The following ADAMTSL3 variants were observed in gnomAD, a reference collection of about 807,000 sequenced individuals.
The protein encoded by ADAMTSL3 is ADAMTS-like protein 3.
ADAMTSL3 carries 128 observed loss-of-function variants against 201.7 expected under a neutral mutation model. That is an observed-to-expected ratio of 0.63 (90% CI 0.55 to 0.73). The LOEUF is 0.73. Among genes scored for constraint, ADAMTSL3 ranks in the 30% least tolerant of loss-of-function variants. The probability of loss-of-function intolerance (pLI) is 0.00; values close to 1 mark genes in which losing one functional copy is unlikely to be tolerated. For synonymous variants in ADAMTSL3, 738 were observed against 748.4 expected (o/e 0.99, Z 0.23); for missense variants, 1,990 against 2,119.6 (o/e 0.94, Z 1.20).
chr15:83,866,805 A>C (rs2064989354), intron 8 of ADAMTSL3, among the ~76,000 whole-genome samples: 1 of 152,196 alleles, frequency 6.6e-6, no homozygotes, highest in Non-Finnish European at 1.5e-5. Flanking sequence ...GCAAAAATTC[A>C]TTTATGTGTA....
At chr15:83,950,332 C>T (rs1373057537) in intron 19 of ADAMTSL3, among the ~76,000 whole-genome samples, 2 of 151,858 alleles carry the variant, frequency 1.3e-5, no homozygotes, top group African/African-American at 4.8e-5. Flanking sequence ...ATGGATTTAT[C>T]TCTGGGATCT....
intron 2 of ADAMTSL3, among the ~76,000 whole-genome samples, chr15:83,668,124 A>G (rs1445404548): frequency 6.6e-6 from 1 of 152,100 alleles, no homozygotes; most frequent in African/African-American, 2.4e-5. Context: ...GGAATAAGCA[A>G]TTGGGAACAT....
At chr15:83,824,789 G>T (rs948753536) in intron 6 of ADAMTSL3, 24 of 151,894 alleles carry the variant, frequency 1.6e-4, no homozygotes, top group African/African-American at 5.8e-4. Context: ...ATACATTTAA[G>T]TTTCCTCAGT....
intron 2 of ADAMTSL3, among the ~76,000 whole-genome samples, chr15:83,672,083 A>T (rs905910123): frequency 6.6e-6 from 1 of 152,198 alleles, no homozygotes; most frequent in African/African-American, 2.4e-5. Flanking sequence ...CACTAATAAA[A>T]TGTTAACTCC....
intron 8 of ADAMTSL3, among the ~76,000 whole-genome samples, chr15:83,864,278 C>T (rs1207925093): frequency 1.3e-5 from 2 of 152,160 alleles, no homozygotes; most frequent in Admixed American, 6.5e-5. Flanking sequence ...CCAGCATCAT[C>T]CTGATACCAA....
At chr15:83,748,676 C>CAAA (rs2062590319) in intron 3 of ADAMTSL3, among the ~76,000 whole-genome samples, 1 of 141,530 alleles carries the variant, frequency 7.1e-6, no homozygotes, top group Non-Finnish European at 1.5e-5. Context: ...AAAAAAATAC[C>CAAA]ACACACACAA....
chr15:84,023,861 A>C (rs539608382), intron 26 of ADAMTSL3, among the ~76,000 whole-genome samples: 10 of 152,344 alleles, frequency 6.6e-5, no homozygotes, highest in South Asian at 6.2e-4. Context: ...AAGCCTGTGG[A>C]TACCGTCTCA....
At chr15:83,871,235 G>T (rs2065075699) in intron 9 of ADAMTSL3, among the ~76,000 whole-genome samples, 1 of 152,166 alleles carries the variant, frequency 6.6e-6, no homozygotes, top group Admixed American at 6.5e-5. Context: ...CAGTTTGTTT[G>T]TTGGTTTAAG....
In ADAMTSL3 at chr15:83,904,869, T is replaced by C. The variant is rs144757184; in HGVS notation, c.1700+5138T>C. Among the ~76,000 whole-genome samples, 78 of 152,288 alleles carry C rather than the reference T, an allele frequency of 5.1e-4. No individual in the cohort carries two copies. In the East Asian group the frequency reaches 0.014, roughly 27 times the overall value. On this transcript the variant is annotated intron_variant, in intron 15 of 29. Transcript: ENST00000286744. ...CTTCACTGCTGACTTAAATTCTCCATTTGTGGAGATTATATTTGCTAATGT... is the reference window on the plus strand; with the variant it reads ...CTTCACTGCTGACTTAAATTCTCCACTTGTGGAGATTATATTTGCTAATGT...
intron 3 of ADAMTSL3, among the ~76,000 whole-genome samples, chr15:83,771,661 C>A (rs1377680315): frequency 6.6e-6 from 1 of 152,144 alleles, no homozygotes; most frequent in Non-Finnish European, 1.5e-5. Flanking sequence ...TGTGTGTATA[C>A]CACATGTTGT....
In ADAMTSL3 at chr15:83,695,182, G is replaced by C. The variant is rs556039067; in HGVS notation, c.70-9207G>C. 1.5e-4 allele frequency among the ~76,000 whole-genome samples: 16 copies of C among 109,008 alleles called. No homozygotes were observed. The East Asian group carries it at 3.8e-3, about 26-fold the overall frequency. 71.5% of individuals were successfully genotyped at this position (109,008 alleles called of 152,430 possible). A position where few individuals can be genotyped will look rare whatever the true frequency, so the allele number is the denominator to read the frequency against. ...TGTGTATGTATGTAGCATGTGATGTGCATGATATGTGCATGATACGTTTGT... is the reference window on the plus strand; with the variant it reads ...TGTGTATGTATGTAGCATGTGATGTCCATGATATGTGCATGATACGTTTGT... On this transcript the variant is annotated intron_variant, in intron 2 of 29. Transcript: ENST00000286744.
In ADAMTSL3 at chr15:83,773,632, G is replaced by A. The variant is rs757998174; in HGVS notation, c.299G>A (p.Arg100Gln). ...GGGGGAGGAGCATCATATTCTCTGC[G>A]GAGATGTTTGACTGGAAGGTTAGTG... ...TCGGGASYSL[R>Q]RCLTGRNCEG... The change falls in exon 4 of 30, where the codon CGG becomes CAG. Residue 100 changes from arginine (R) to glutamine (Q), a missense_variant. Arg to Gln is a conservative substitution (Grantham distance 43, BLOSUM62 1). Transcript: ENST00000286744. The A allele has an allele frequency of 2.0e-5, 32 of 1,609,356 alleles. No individual in the cohort carries two copies. The highest frequency in any genetic ancestry group is 1.7e-4 in the Middle Eastern group (1 of 6,042).
chr15:83,962,676 C>T (rs1190478186), intron 19 of ADAMTSL3: 1 of 152,116 alleles, frequency 6.6e-6, no homozygotes, highest in Non-Finnish European at 1.5e-5. Flanking sequence ...ATTTGTATTT[C>T]TTGGATACTT....
intron 19 of ADAMTSL3, among the ~76,000 whole-genome samples, chr15:83,953,888 G>A (rs1393668046): frequency 6.6e-6 from 1 of 152,170 alleles, no homozygotes; most frequent in Non-Finnish European, 1.5e-5. Flanking sequence ...GGTTTCCACT[G>A]AAAAGTCTGT....
At chr15:83,707,069 C>T (rs1463385551) in intron 3 of ADAMTSL3, among the ~76,000 whole-genome samples, 2 of 152,170 alleles carry the variant, frequency 1.3e-5, no homozygotes, top group African/African-American at 4.8e-5. Context: ...CCTGATCCTT[C>T]AGCATATGAC....
At position 83,663,283 on chromosome 15, in the gene ADAMTSL3, C is replaced by G. The variant is rs1448601913; in HGVS notation, c.69+7453C>G. 3.3e-5 allele frequency among the ~76,000 whole-genome samples: 5 copies of G among 152,186 alleles called. No homozygotes were observed. In the East Asian group the frequency reaches 7.7e-4, roughly 23 times the overall value. On this transcript the variant is annotated intron_variant, in intron 2 of 29. Coordinates refer to ENST00000286744, the MANE Select transcript of ADAMTSL3 (RefSeq NM_207517.3). ...TTCATCTGTAGAGTGGACGGACATT[C>G]TCTCCTTGCAGCCGCCCCCAATCTC... is the stretch of plus-strand genomic sequence containing the variant.
At chr15:83,921,601 T>A (rs191769148) in intron 16 of ADAMTSL3, among the ~76,000 whole-genome samples, 194 of 152,364 alleles carry the variant, frequency 1.3e-3, no homozygotes, top group African/African-American at 4.5e-3. Context: ...AAAGAACATG[T>A]CAGCTTATAT....
rs1231297969 is a variant in ADAMTSL3 at position 83,983,234 on chromosome 15, A to T, written c.3606A>T (p.Val1202=). ...TAAATTCCAGGATTGGAAATACAGT[A>T]TACATTACAAAAAGGACAGAGGTCA... ...KTINSRIGNT[V]YITKRTEVIN... The change falls in exon 21 of 30, where the codon GTA becomes GTT. Residue 1202 remains valine (V), a synonymous_variant. Transcript: ENST00000286744. 8.7e-6 allele frequency: 14 copies of T among 1,613,952 alleles called. No homozygotes were observed. The highest frequency in any genetic ancestry group is 1.1e-5 in the Non-Finnish European group (13 of 1,179,926).
At chr15:83,788,848 C>T (rs914880099) in intron 4 of ADAMTSL3, among the ~76,000 whole-genome samples, 1 of 151,988 alleles carries the variant, frequency 6.6e-6, no homozygotes, top group African/African-American at 2.4e-5. Context: ...TTGCTCTTGT[C>T]ACCCACGCTG....
Sources: gnomAD v4.1 joint callset for allele counts (sites outside exome capture counted in the v4.1 genomes callset) on GRCh38, gnomAD v4.1.1 for gene constraint, MANE v1.5 for transcripts, NCBI Gene and HGNC (gene_info 2026-07-23, HGNC 2026-07-21) for gene names.